Variants in ACSL3 observed in about 807,000 individuals in gnomAD.
ACSL3 encodes acyl-CoA synthetase long chain family member 3.
Under a neutral mutation model 84.7 loss-of-function variants are expected in ACSL3, and 34 were observed. The ratio of observed to expected loss-of-function variants is 0.40; its 90% CI spans 0.31 to 0.53. The LOEUF (loss-of-function observed/expected upper bound fraction) is 0.53. Among genes scored for constraint, ACSL3 ranks in the 20% least tolerant of loss-of-function variants. The pLI is 0.48. For missense variants in ACSL3, 680 were observed against 873.1 expected (o/e 0.78, Z 2.79); for synonymous variants, 315 against 299.4 (o/e 1.05, Z -0.54).
At chr2:222,897,649 C>T (rs1696022961) in intron 2 of ACSL3, among the ~76,000 whole-genome samples, 1 of 38,474 alleles carries the variant, frequency 2.6e-5, no homozygotes, top group Non-Finnish European at 4.1e-5. Context: ...ACTGAGTGAA[C>T]GAGACTCCGT....
intron 4 of ACSL3, among the ~76,000 whole-genome samples, chr2:222,913,159 G>C (rs1045504169): frequency 1.3e-5 from 2 of 152,112 alleles, no homozygotes; most frequent in African/African-American, 4.8e-5. Flanking sequence ...TATGTAATAT[G>C]GTGCTTAGAG....
intron 7 of ACSL3, among the ~76,000 whole-genome samples, chr2:222,920,745 GC>G (rs772179618): frequency 1.3e-5 from 2 of 152,092 alleles, no homozygotes; most frequent in African/African-American, 4.8e-5. Context: ...TCTTCCCGTG[GC>G]CTTTGAGGTC....
intron 3 of ACSL3, among the ~76,000 whole-genome samples, chr2:222,903,693 T>C (rs1228572702): frequency 1.3e-5 from 2 of 152,260 alleles, no homozygotes; most frequent in Admixed American, 1.3e-4. Context: ...TTCTCTGAAA[T>C]AGTCTTCCAG....
At chr2:222,874,999 A>G (rs1301545027) in intron 1 of ACSL3, among the ~76,000 whole-genome samples, 1 of 152,122 alleles carries the variant, frequency 6.6e-6, no homozygotes, top group Non-Finnish European at 1.5e-5. Flanking sequence ...AAAAATCTTC[A>G]TTTATGTGAA....
chr2:222,879,851 T>C (rs1695546305), intron 1 of ACSL3, among the ~76,000 whole-genome samples: 1 of 151,966 alleles, frequency 6.6e-6, no homozygotes, highest in South Asian at 2.1e-4. Flanking sequence ...TGGGTTGACA[T>C]CACTGGAGAC....
chr2:222,909,062 A>C lies in ACSL3; in HGVS notation c.290A>C (p.Asn97Thr). The change falls in exon 4 of 17, where the codon AAC (asparagine) becomes ACC (threonine). Residue 97 changes from asparagine to threonine, a missense_variant. Transcript: ENST00000357430. ...TLDKVFTYAK[N>T]KFKNKRLLGT... ...GATAAAGTTTTTACATATGCAAAAA[A>C]CAAATTTAAGAACAAAAGACTCTTG... 1 of 1,612,494 alleles carries C rather than the reference A, an allele frequency of 6.2e-7. No individual in the cohort carries two copies. Among genetic ancestry groups the C allele is most frequent in the Non-Finnish European group, 8.5e-7 (1 of 1,179,566 alleles).
Position 222,919,181 on chromosome 2 carries a change from C to G in ACSL3, c.784C>G (p.Leu262Val). 6.2e-7 allele frequency: 1 copy of G among 1,614,064 alleles called. No individual in the cohort carries two copies. Among genetic ancestry groups the G allele is most frequent in the Non-Finnish European group, 8.5e-7 (1 of 1,179,944 alleles). Residue 262 changes from leucine to valine, a missense_variant, in exon 7 of 17, where the codon CTG becomes GTG. Physicochemically the swap from Leu to Val is conservative, Grantham distance 32. Coordinates refer to ENST00000357430, the MANE Select transcript of ACSL3 (RefSeq NM_004457.5). ...GCATACCATGGCTGCAGTGGAGGCCCTGGGAGCCAAGGCCAGCATGGGTAT... is the reference window on the plus strand; with the variant it reads ...GCATACCATGGCTGCAGTGGAGGCCGTGGGAGCCAAGGCCAGCATGGGTAT... ...IVHTMAAVEA[L>V]GAKASMENQP...
At chr2:222,878,878 T>G (rs1695522272) in intron 1 of ACSL3, among the ~76,000 whole-genome samples, 3 of 152,250 alleles carry the variant, frequency 2.0e-5, no homozygotes, top group Admixed American at 2.0e-4. Flanking sequence ...CAGAGAAGCC[T>G]GTACAGTTGG....
At chr2:222,871,615 A>G (rs554826316) in intron 1 of ACSL3, among the ~76,000 whole-genome samples, 1 of 152,164 alleles carries the variant, frequency 6.6e-6, no homozygotes, top group Non-Finnish European at 1.5e-5. Flanking sequence ...GTGAATCTGC[A>G]GGGAGCGGTT....
At chr2:222,896,799 C>T (rs1261961959) in intron 2 of ACSL3, among the ~76,000 whole-genome samples, 1 of 16,800 alleles carries the variant, frequency 6.0e-5, no homozygotes, top group Non-Finnish European at 9.1e-5. Context: ...CCTCACCTCC[C>T]GGACGGGGCG....
At chr2:222,891,320 C>T (rs1695840704) in intron 2 of ACSL3, among the ~76,000 whole-genome samples, 1 of 152,134 alleles carries the variant, frequency 6.6e-6, no homozygotes, top group Admixed American at 6.5e-5. Flanking sequence ...AGTTGAACTG[C>T]ATCAATATTA....
At chr2:222,874,172 A>G (rs62187236) in intron 1 of ACSL3, among the ~76,000 whole-genome samples, 14,896 of 151,992 alleles carry the variant, frequency 0.098, 817 homozygotes, top group Non-Finnish European at 0.12. Context: ...ACAGGTGCGC[A>G]CCACCACACC....
chr2:222,936,878 C>T lies in ACSL3; in HGVS notation c.2005+2191C>T, dbSNP rs569848203. On this transcript the variant is annotated intron_variant, in intron 16 of 16. Coordinates refer to ENST00000357430, the MANE Select transcript of ACSL3 (RefSeq NM_004457.5). ...CAAATGAAGAGAGAGAGAGAGAAAGCGAAGGGGGAAGAGCCCCTAAAACCA... is the reference window on the plus strand; with the variant it reads ...CAAATGAAGAGAGAGAGAGAGAAAGTGAAGGGGGAAGAGCCCCTAAAACCA... 2.0e-3 allele frequency among the ~76,000 whole-genome samples: 302 copies of T among 152,020 alleles called. 4 individuals are homozygous for T. The highest frequency in any genetic ancestry group is 7.1e-3 in the African/African-American group (295 of 41,456).
chr2:222,916,667 TA>T, intron 5 of ACSL3, 171 bp downstream of exon 5: 2 of 661,972 alleles, frequency 3.0e-6, no homozygotes, highest in Non-Finnish European at 4.7e-6. Flanking sequence ...AAATCAATTA[TA>T]TGACAAATTG....
rs574440752 is a variant in ACSL3, at chr2:222,943,201, G to A, written c.*1547G>A. On this transcript the variant is annotated 3_prime_UTR_variant, in exon 17 of 17. Transcript: ENST00000357430. ...TGTGTTTGGTTGCATCACAAACATC[G>A]TATGTGGAGACATTGCAATACAGTG... The A allele has an allele frequency of 2.1e-4, 48 of 224,072 alleles. No homozygotes were observed. Among genetic ancestry groups the A allele is most frequent in the African/African-American group, 6.7e-4 (30 of 44,896 alleles). 13.9% of individuals were successfully genotyped at this position (224,072 alleles called of 1,614,324 possible). A position where few individuals can be genotyped will look rare whatever the true frequency, so the allele number is the denominator to read the frequency against.
intron 12 of ACSL3, among the ~76,000 whole-genome samples, chr2:222,927,553 G>C (rs774983834): frequency 3.5e-4 from 54 of 152,114 alleles, no homozygotes; most frequent in Admixed American, 1.3e-3. Flanking sequence ...TATTTGTGTA[G>C]GTGAGTATAT....
rs1237016959 is a variant in ACSL3, at chr2:222,916,480, T to C, written c.540T>C (p.Phe180=). ...GGATGATAGCTGCACAGGCGTGTTTTATGTATAATTTTCAGCGTATGTAGA... is the reference window on the plus strand; with the variant it reads ...GGATGATAGCTGCACAGGCGTGTTTCATGTATAATTTTCAGCGTATGTAGA... ...AEWMIAAQAC[F]MYNFQLVTLY... Residue 180 remains phenylalanine, a synonymous_variant, in exon 5 of 17, where the codon TTT becomes TTC. Coordinates refer to ENST00000357430, the MANE Select transcript of ACSL3 (RefSeq NM_004457.5). 6.3e-7 allele frequency: 1 copy of C among 1,599,448 alleles called. No homozygotes were observed. Among genetic ancestry groups the C allele is most frequent in the Non-Finnish European group, 8.5e-7 (1 of 1,172,898 alleles).
chr2:222,866,344 A>G (rs940226390), intron 1 of ACSL3, among the ~76,000 whole-genome samples: 2 of 152,022 alleles, frequency 1.3e-5, no homozygotes, highest in Admixed American at 6.5e-5. Flanking sequence ...ATGGGGTTTC[A>G]CCATGTTAGT....
intron 1 of ACSL3, among the ~76,000 whole-genome samples, chr2:222,877,176 C>T (rs1695470883): frequency 6.6e-6 from 1 of 151,954 alleles, no homozygotes; most frequent in South Asian, 2.1e-4. Flanking sequence ...GTGGAGAGCT[C>T]AAGGGGATTG....
Sources: gnomAD v4.1 joint callset for allele counts (sites outside exome capture counted in the v4.1 genomes callset) on GRCh38, gnomAD v4.1.1 for gene constraint, MANE v1.5 for transcripts, NCBI Gene and HGNC (gene_info 2026-07-23, HGNC 2026-07-21) for gene names.